Variants in MGRN1 observed in about 807,000 individuals in gnomAD.
MGRN1 encodes E3 ubiquitin-protein ligase MGRN1.
In MGRN1, 29 loss-of-function variants were observed where a neutral mutation model predicts 69.2. The ratio of observed to expected loss-of-function variants is 0.42; its 90% CI spans 0.31 to 0.57. MGRN1 has a LOEUF of 0.57. Among genes scored for constraint, MGRN1 ranks in the 20% least tolerant of loss-of-function variants. The probability of loss-of-function intolerance (pLI) is 0.15; values close to 1 mark genes in which losing one functional copy is unlikely to be tolerated. For missense variants in MGRN1, 998 were observed against 796.2 expected, an observed-to-expected ratio of 1.25 and a Z score of -3.05; for synonymous variants, 470 against 344.2, an observed-to-expected ratio of 1.37 and a Z score of -4.04.
intron 8 of MGRN1, among the ~76,000 whole-genome samples, chr16:4,670,683 T>C (rs2078919246): frequency 6.6e-6 from 1 of 152,236 alleles, no homozygotes; most frequent in African/African-American, 2.4e-5. Flanking sequence ...AGCGAGATCC[T>C]GTCTATTTAA....
intron 9 of MGRN1, among the ~76,000 whole-genome samples, chr16:4,672,150 C>G (rs966288275): frequency 2.0e-5 from 3 of 152,172 alleles, no homozygotes; most frequent in Non-Finnish European, 2.9e-5. Flanking sequence ...GTGATCCACC[C>G]TCCTCGGCCT....
At chr16:4,666,836 G>C (rs1195264794) in intron 7 of MGRN1, among the ~76,000 whole-genome samples, 1 of 152,214 alleles carries the variant, frequency 6.6e-6, no homozygotes, top group African/African-American at 2.4e-5. Context: ...GTCCTCTTGG[G>C]TGTCTTGGCA....
intron 4 of MGRN1, among the ~76,000 whole-genome samples, chr16:4,655,550 C>G (rs969672380): frequency 1.1e-4 from 16 of 151,082 alleles, no homozygotes; most frequent in Admixed American, 9.9e-4. Context: ...GATCACAGAG[C>G]AGGAACAGCT....
intron 1 of MGRN1, among the ~76,000 whole-genome samples, chr16:4,635,801 A>ATTTTTTTTTTTT (rs34343082): frequency 1.6e-5 from 2 of 125,696 alleles, no homozygotes; most frequent in African/African-American, 3.2e-5. Context: ...CGCCCAGCTA[A>ATTTTTTTTTTTT]TTTTTTTTTT....
intron 16 of MGRN1, among the ~76,000 whole-genome samples, chr16:4,685,585 C>G (rs1183017054): frequency 6.6e-6 from 1 of 152,262 alleles, no homozygotes; most frequent in African/African-American, 2.4e-5. Context: ...GCCTGCACGG[C>G]CTCAGTTCTG....
At chr16:4,679,248 C>A (rs1363846760) in intron 11 of MGRN1, among the ~76,000 whole-genome samples, 3 of 152,202 alleles carry the variant, frequency 2.0e-5, no homozygotes, top group African/African-American at 7.2e-5. Context: ...GTTTATTGTC[C>A]CTTGTTTTTG....
At chr16:4,648,776 C>A (rs1466787925) in intron 1 of MGRN1, among the ~76,000 whole-genome samples, 1 of 117,082 alleles carries the variant, frequency 8.5e-6, no homozygotes, top group Admixed American at 8.5e-5. Context: ...TCCCGGGGCT[C>A]TTCCCGTGGT....
At chr16:4,658,958 G>C (rs1659500) in intron 5 of MGRN1, 74,153 of 151,890 alleles carry the variant, frequency 0.49, 18,388 homozygotes, top group East Asian at 0.63. Flanking sequence ...GATCGTGCCA[G>C]CGCACTTCAG....
In MGRN1 at chr16:4,650,418, C is replaced by A. The variant is rs769136725; in HGVS notation, c.142C>A (p.His48Asn). The change falls in exon 2 of 17, where the codon CAC becomes AAC. Residue 48 changes from histidine (H) to asparagine (N), a missense_variant. Transcript: ENST00000262370. ...GGGAGGAGAGAAATTCGACACCCCC[C>A]ACCCTGAAGGTTACCTCTTTGGAGA... ...FMGGEKFDTP[H>N]PEGYLFGENM... The A allele has an allele frequency of 6.2e-7, 1 of 1,614,106 alleles. No individual in the cohort carries two copies. Among genetic ancestry groups the A allele is most frequent in the Non-Finnish European group, 8.5e-7 (1 of 1,179,994 alleles).
intron 9 of MGRN1, 58 bp from the exon 10 acceptor site, chr16:4,673,440 C>G (rs1030304081): frequency 3.2e-6 from 5 of 1,578,144 alleles, no homozygotes; most frequent in African/African-American, 2.7e-5. Context: ...GGACAGGAAG[C>G]AGGAGCCGTA....
intron 5 of MGRN1, among the ~76,000 whole-genome samples, chr16:4,658,031 C>T (rs375737705): frequency 2.6e-5 from 4 of 151,730 alleles, no homozygotes; most frequent in South Asian, 4.2e-4. Context: ...TGTGAGCCAC[C>T]GTGCCCGGCC....
intron 1 of MGRN1, among the ~76,000 whole-genome samples, chr16:4,645,238 C>T (rs550530235): frequency 1.0e-3 from 155 of 152,202 alleles, no homozygotes; most frequent in African/African-American, 3.6e-3. Flanking sequence ...TCATGGCTTA[C>T]TGCAGCCTCG....
intron 4 of MGRN1, 45 bp from the exon 5 acceptor site, chr16:4,657,201 C>A: frequency 6.4e-7 from 1 of 1,574,100 alleles, no homozygotes; most frequent in Non-Finnish European, 8.7e-7. Flanking sequence ...CACGGAGGGC[C>A]CTCTTCCTGC....
At chr16:4,679,561 C>T (rs549716942) in intron 11 of MGRN1, among the ~76,000 whole-genome samples, 98 of 132,846 alleles carry the variant, frequency 7.4e-4, no homozygotes, top group African/African-American at 2.6e-3. Context: ...GTGGGTGGGT[C>T]TGGGGCTGAC....
chr16:4,630,243 T>C (rs1029154003), intron 1 of MGRN1, among the ~76,000 whole-genome samples: 13 of 150,040 alleles, frequency 8.7e-5, no homozygotes, highest in East Asian at 2.0e-4. Context: ...TCCCAGCTAA[T>C]TGGGAGGCCG....
At chr16:4,638,189 G>A (rs1200045821) in intron 1 of MGRN1, among the ~76,000 whole-genome samples, 1 of 152,118 alleles carries the variant, frequency 6.6e-6, no homozygotes, top group East Asian at 1.9e-4. Flanking sequence ...AGAAATCAAG[G>A]TTGGGTGTGG....
Position 4,688,728 on chromosome 16 carries a change from C to T in MGRN1, c.1619-68C>T, listed in dbSNP as rs538053725. The T allele has an allele frequency of 3.4e-4, 500 of 1,487,116 alleles. 2 individuals carry two copies. The highest frequency in any genetic ancestry group is 7.3e-4 in the Middle Eastern group (4 of 5,512). 92.1% of individuals were successfully genotyped at this position (1,487,116 alleles called of 1,614,324 possible). ...GCCCAGCCCCTCTGGGGCTCCAGAT[C>T]GGTAGGAGCGGGTGGCGTGGCACCA... is the stretch of plus-strand genomic sequence containing the variant. On this transcript the variant is annotated intron_variant, in intron 16 of 16. Transcript: ENST00000262370.
chr16:4,687,642 A>G (rs959395862), intron 16 of MGRN1: 239 of 983,526 alleles, frequency 2.4e-4, no homozygotes, highest in Non-Finnish European at 2.8e-4. Context: ...CAGGAGTGCC[A>G]CCAAAATGTA....
chr16:4,635,877 G>C lies in MGRN1; in HGVS notation c.88+10829G>C, dbSNP rs188999434. On this transcript the variant is annotated intron_variant, in intron 1 of 16. Coordinates refer to ENST00000262370, the MANE Select transcript of MGRN1 (RefSeq NM_015246.4). ...TTGGCCAGGCTGGTCTTGAACTCCTGACCTTGTGATCTGCCTGCCTCAGCC... is the reference window on the plus strand; with the variant it reads ...TTGGCCAGGCTGGTCTTGAACTCCTCACCTTGTGATCTGCCTGCCTCAGCC... Among the ~76,000 whole-genome samples, 281 of 144,510 alleles carry C rather than the reference G, an allele frequency of 1.9e-3. 2 individuals carry two copies. Among genetic ancestry groups the C allele is most frequent in the South Asian group, 5.6e-3 (26 of 4,622 alleles). The allele number at this position is 144,510 out of a possible 152,430, so 94.8% of individuals were successfully genotyped here. A position where few individuals can be genotyped will look rare whatever the true frequency, so the allele number is the denominator to read the frequency against.
Sources: allele counts gnomAD v4.1 joint callset (sites outside exome capture counted in the v4.1 genomes callset), GRCh38; gene constraint gnomAD v4.1.1; transcripts MANE v1.5; gene names NCBI Gene and HGNC (gene_info 2026-07-23, HGNC 2026-07-21).